Variants in TTC7B observed in about 807,000 individuals in gnomAD.
TTC7B encodes the protein tetratricopeptide repeat domain 7B, also known as tetratricopeptide repeat protein 7B.
TTC7B carries 28 observed loss-of-function variants against 106.8 expected under a neutral mutation model. The observed-to-expected ratio is 0.26, with a 90% CI of 0.19 to 0.36. The LOEUF (loss-of-function observed/expected upper bound fraction) is 0.36, where lower values mean the gene tolerates loss of function less well. TTC7B is among the 10% of genes least tolerant of loss of function. TTC7B has a pLI of 1.00. For synonymous variants in TTC7B, 405 were observed against 430.6 expected, an observed-to-expected ratio of 0.94 and a Z score of 0.74; for missense variants, 862 against 1,076.4, an observed-to-expected ratio of 0.80 and a Z score of 2.79.
intron 19 of TTC7B, among the ~76,000 whole-genome samples, chr14:90,554,362 G>A (rs558133720): frequency 3.9e-5 from 6 of 152,354 alleles, no homozygotes; most frequent in South Asian, 4.1e-4. Context: ...ACAGAAGCCC[G>A]GAGAGGGTAA....
chr14:90,585,531 G>A (rs1259656400), intron 18 of TTC7B: 2 of 152,548 alleles, frequency 1.3e-5, no homozygotes, highest in Non-Finnish European at 2.9e-5. Context: ...CTGTGCCCTG[G>A]ACCCCACCAC....
chr14:90,742,242 TCTTC>T lies in TTC7B; in HGVS notation c.576+2546_576+2549del, dbSNP rs550834562. ...ATTTCGTTTCGTTCGCTTCTTTCTT[TCTTC>T]CTTTCTTTCTTTTTTTTCTTTTGTT... On this transcript the variant is annotated intron_variant, in intron 4 of 19. Transcript: ENST00000328459. The surrounding 1 kb of genome is among the most constrained non-coding windows in gnomAD (Gnocchi z 4.1). Among the ~76,000 whole-genome samples the T allele has an allele frequency of 3.1e-3, 465 of 152,174 alleles. No homozygotes were observed. Among genetic ancestry groups the T allele is most frequent in the Non-Finnish European group, 5.8e-3 (393 of 67,990 alleles).
intron 4 of TTC7B, among the ~76,000 whole-genome samples, chr14:90,741,981 T>A (rs564833675): frequency 6.6e-6 from 1 of 152,350 alleles, no homozygotes; most frequent in Admixed American, 6.5e-5. Context: ...TTGAAAATCG[T>A]GTACCTACGC....
chr14:90,755,210 T>C (rs1890251647), intron 3 of TTC7B, among the ~76,000 whole-genome samples: 1 of 152,234 alleles, frequency 6.6e-6, no homozygotes, highest in Admixed American at 6.5e-5. Context: ...TTTCCACTTC[T>C]CTTAGATATA....
chr14:90,624,719 A>G lies in TTC7B; in HGVS notation c.1752-6674T>C, dbSNP rs1280584336. ...TCAGTATAAAAAATGTGCTGATTATATCAAGGAAGAAACACACATATTAAT... is the reference window on the plus strand; with the variant it reads ...TCAGTATAAAAAATGTGCTGATTATGTCAAGGAAGAAACACACATATTAAT... On this transcript the variant is annotated intron_variant, in intron 15 of 19. Transcript: ENST00000328459. The surrounding 1 kb of genome is among the most constrained non-coding windows in gnomAD (Gnocchi z 4.0). 6.6e-6 allele frequency among the ~76,000 whole-genome samples: 1 copy of G among 152,264 alleles called. No homozygotes were observed. The highest frequency in any genetic ancestry group is 6.5e-5 in the Admixed American group (1 of 15,288).
chr14:90,625,136 T>A (rs1884383409), intron 15 of TTC7B, among the ~76,000 whole-genome samples: 1 of 152,134 alleles, frequency 6.6e-6, no homozygotes, highest in African/African-American at 2.4e-5. Context: ...AGGGGGCAAG[T>A]ATGTTGAAAT....
At chr14:90,783,107 C>T (rs771791798) in intron 2 of TTC7B, among the ~76,000 whole-genome samples, 2 of 152,208 alleles carry the variant, frequency 1.3e-5, no homozygotes, top group East Asian at 1.9e-4. Context: ...CAGGGCGCCT[C>T]GGCTGCCTGG....
chr14:90,794,536 ATTTCT>A (rs1891708434), intron 1 of TTC7B, among the ~76,000 whole-genome samples: 1 of 151,988 alleles, frequency 6.6e-6, no homozygotes, highest in African/African-American at 2.4e-5. Context: ...CTGGCTGGGT[ATTTCT>A]TTATAGCAGT....
intron 5 of TTC7B, among the ~76,000 whole-genome samples, chr14:90,714,737 G>A (rs955874724): frequency 6.6e-6 from 1 of 152,058 alleles, no homozygotes; most frequent in Non-Finnish European, 1.5e-5. Flanking sequence ...GATTATAGGC[G>A]TGAGCCACCA....
chr14:90,816,340 CCGCCGCCGCGGCGCCCCCT>C lies in TTC7B; in HGVS notation c.-64_-46del. On this transcript the variant is annotated 5_prime_UTR_variant, in exon 1 of 20. Coordinates refer to ENST00000328459, the MANE Select transcript of TTC7B (RefSeq NM_001010854.2). ...GCCGCCCGCCCCGCAGGCCCCACCG[CCGCCGCCGCGGCGCCCCCT>C]CGCCGCCTCCCGCCGCCGCCGCGGG... The C allele has an allele frequency of 1.0e-6, 1 of 963,688 alleles. No homozygotes were observed. The highest frequency in any genetic ancestry group is 4.6e-5 in the South Asian group (1 of 21,736). The allele number at this position is 963,688 out of a possible 1,614,324, so 59.7% of individuals were successfully genotyped here.
intron 3 of TTC7B, among the ~76,000 whole-genome samples, chr14:90,756,384 G>GGT (rs888342468): frequency 1.0e-4 from 13 of 126,778 alleles, no homozygotes; most frequent in East Asian, 2.3e-4. Context: ...TTTTTTTTTT[G>GGT]TTTTTTTTTT....
In TTC7B at chr14:90,695,314, T is replaced by C. The variant is rs144982655; in HGVS notation, c.777+186A>G. Among the ~76,000 whole-genome samples the C allele has an allele frequency of 3.7e-5, 5 of 136,572 alleles. No individual in the cohort carries two copies. In the East Asian group the frequency reaches 6.6e-4, roughly 18 times the overall value. The allele number at this position is 136,572 out of a possible 152,430, so 89.6% of individuals were successfully genotyped here. A position where few individuals can be genotyped will look rare whatever the true frequency, so the allele number is the denominator to read the frequency against. On this transcript the variant is annotated intron_variant, in intron 6 of 19. Transcript: ENST00000328459. ...TATGTACATAAATATATGTCACATA[T>C]ATTTATAACACATATATGTCACATA...
rs1566795746 is a variant in TTC7B, at chr14:90,608,068, C to G, written c.1966+2674G>C. ...AAATCAAGGTGAGGGAATAAACAAT[C>G]TGTGTTGTGGGTGGTTCGCAAGGCG... On this transcript the variant is annotated intron_variant, in intron 17 of 19. Transcript: ENST00000328459. The surrounding 1 kb of genome is among the most constrained non-coding windows in gnomAD (Gnocchi z 5.1). 6.6e-6 allele frequency among the ~76,000 whole-genome samples: 1 copy of G among 151,910 alleles called. No individual in the cohort carries two copies. The highest frequency in any genetic ancestry group is 2.4e-5 in the African/African-American group (1 of 41,322).
At chr14:90,626,846 T>C (rs1404695737) in intron 15 of TTC7B, among the ~76,000 whole-genome samples, 1 of 152,140 alleles carries the variant, frequency 6.6e-6, no homozygotes, top group Non-Finnish European at 1.5e-5. Context: ...TTAAAGAGCA[T>C]GGATGACTCC....
At chr14:90,699,378 G>C (rs1887894601) in intron 5 of TTC7B, 1 of 353,048 alleles carries the variant, frequency 2.8e-6, no homozygotes, top group South Asian at 2.1e-5. Context: ...CATTTTTGTT[G>C]TGTTGTTATT....
chr14:90,556,874 C>T (rs1486522488), intron 19 of TTC7B, among the ~76,000 whole-genome samples: 1 of 152,216 alleles, frequency 6.6e-6, no homozygotes, highest in Admixed American at 6.5e-5. Flanking sequence ...GGGAGAATAG[C>T]AGGCCCAGGC....
At chr14:90,656,024 C>T (rs977293800) in intron 11 of TTC7B, among the ~76,000 whole-genome samples, 9 of 152,166 alleles carry the variant, frequency 5.9e-5, no homozygotes, top group African/African-American at 9.7e-5. Context: ...CTCCTGGAAC[C>T]GCCTGCACCA....
At chr14:90,813,244 T>G (rs1366239262) in intron 1 of TTC7B, among the ~76,000 whole-genome samples, 1 of 152,208 alleles carries the variant, frequency 6.6e-6, no homozygotes, top group Non-Finnish European at 1.5e-5. Context: ...CCTATTCACC[T>G]TCCCCTTTTT....
intron 9 of TTC7B, among the ~76,000 whole-genome samples, chr14:90,661,865 G>A (rs552296701): frequency 4.6e-5 from 7 of 152,314 alleles, no homozygotes; most frequent in African/African-American, 1.7e-4. Flanking sequence ...AAAGCTAGAT[G>A]CTATAAATAA....
Sources: gnomAD v4.1 joint callset for allele counts (sites outside exome capture counted in the v4.1 genomes callset) on GRCh38, gnomAD v4.1.1 for gene constraint, Gnocchi (gnomAD v3.1) non-coding constraint, MANE v1.5 for transcripts, NCBI Gene and HGNC (gene_info 2026-07-23, HGNC 2026-07-21) for gene names.